Variants in IFT88 observed in about 807,000 individuals in gnomAD.
IFT88 encodes intraflagellar transport 88.
Under a neutral mutation model 119.5 loss-of-function variants are expected in IFT88, and 74 were observed. The ratio of observed to expected loss-of-function variants is 0.62; its 90% confidence interval spans 0.51 to 0.75. The LOEUF is 0.75. Ranked by LOEUF, IFT88 falls within the 30% of genes least tolerant of loss-of-function variation. IFT88 has a pLI of 0.00. For synonymous variants in IFT88, 279 were observed against 316.7 expected (o/e 0.88, Z 1.26); for missense variants, 961 against 977.7 (o/e 0.98, Z 0.23).
At chr13:20,635,722 C>T (rs558766505) in intron 16 of IFT88, among the ~76,000 whole-genome samples, 5 of 152,040 alleles carry the variant, frequency 3.3e-5, no homozygotes, top group South Asian at 4.2e-4. Context: ...CGGGGCCTGT[C>T]GGGGAGTGGA....
intron 24 of IFT88, among the ~76,000 whole-genome samples, chr13:20,675,803 G>T (rs2056588612): frequency 6.6e-6 from 1 of 152,200 alleles, no homozygotes; most frequent in Admixed American, 6.5e-5. Context: ...ATTATTGTTT[G>T]CTTTTCTTCC....
chr13:20,589,064 C>G (rs1045934289), intron 3 of IFT88, among the ~76,000 whole-genome samples: 1 of 152,144 alleles, frequency 6.6e-6, no homozygotes, highest in African/African-American at 2.4e-5. Context: ...TAAATGTGGG[C>G]TCACCTCTCT....
At chr13:20,671,437 C>G (rs1261656893) in intron 24 of IFT88, among the ~76,000 whole-genome samples, 1 of 152,152 alleles carries the variant, frequency 6.6e-6, no homozygotes, top group Non-Finnish European at 1.5e-5. Flanking sequence ...AATCTTTAGT[C>G]TGACTTTTAG....
rs751716540 is a variant in IFT88, at chr13:20,631,089, C to T, written c.1373C>T (p.Ala458Val). The change falls in exon 16 of 26, where the codon GCC (alanine) becomes GTC (valine). Residue 458 changes from alanine to valine, a missense_variant. By Grantham distance (64) the Ala-to-Val change is moderately conservative. Coordinates refer to ENST00000351808, the MANE Select transcript of IFT88 (RefSeq NM_006531.5). ...VKSAAATNLS[A>V]LYYMGKDFAQ... ...AGTGCAGCTGCAACCAATCTCTCAG[C>T]CCTGTATTATATGGTAAGTTTTTTT... 1.3e-6 allele frequency: 2 copies of T among 1,598,090 alleles called. No homozygotes were observed. Among genetic ancestry groups the T allele is most frequent in the African/African-American group, 2.7e-5 (2 of 74,702 alleles).
chr13:20,688,623 C>A (rs2058189416), intron 24 of IFT88, among the ~76,000 whole-genome samples: 1 of 152,100 alleles, frequency 6.6e-6, no homozygotes, highest in Admixed American at 6.5e-5. Flanking sequence ...AGAATAAGAA[C>A]CTACAGTTAA....
At chr13:20,664,250 G>T (rs2054287283) in intron 23 of IFT88, among the ~76,000 whole-genome samples, 1 of 152,152 alleles carries the variant, frequency 6.6e-6, no homozygotes, top group Admixed American at 6.5e-5. Context: ...CCTAACTCCT[G>T]TTTTAAAATG....
chr13:20,648,382 C>T lies in IFT88; in HGVS notation c.1949+3424C>T, dbSNP rs145068918. The stretch of plus-strand genomic sequence containing the variant: ...CTGCACTCCAGCCTGGGTGACAGAG[C>T]GAGACTCCATCTCAATAAGTAAATA... On this transcript the variant is annotated intron_variant, in intron 20 of 25. Coordinates refer to ENST00000351808, the MANE Select transcript of IFT88 (RefSeq NM_006531.5). 2.0e-3 allele frequency among the ~76,000 whole-genome samples: 310 copies of T among 152,074 alleles called. 2 individuals carry two copies. The highest frequency in any genetic ancestry group is 6.8e-3 in the African/African-American group (282 of 41,490).
intron 3 of IFT88, among the ~76,000 whole-genome samples, chr13:20,583,967 A>G (rs970288542): frequency 1.3e-5 from 2 of 152,152 alleles, no homozygotes; most frequent in African/African-American, 2.4e-5. Flanking sequence ...TGGGCTTTCT[A>G]TGCTGTTCTA....
chr13:20,597,606 T>C (rs1399044739), intron 9 of IFT88, among the ~76,000 whole-genome samples: 1 of 151,616 alleles, frequency 6.6e-6, no homozygotes, highest in Non-Finnish European at 1.5e-5. Context: ...TAGCCGGGTG[T>C]GGTGGCGGGC....
At position 20,644,879 on chromosome 13, in the gene IFT88, G is replaced by T. The variant is rs748976581; in HGVS notation, c.1870G>T (p.Glu624Ter). 6.3e-7 allele frequency: 1 copy of T among 1,595,358 alleles called. No individual in the cohort carries two copies. The highest frequency in any genetic ancestry group is 1.7e-5 in the Admixed American group (1 of 58,940). The change falls in exon 20 of 26, where the codon GAG (glutamate) becomes TAG (stop). Residue 624 changes from glutamate to a stop codon, truncating the protein, a stop_gained. Coordinates refer to ENST00000351808, the MANE Select transcript of IFT88 (RefSeq NM_006531.5). LOFTEE classifies it high-confidence loss of function. ...TTTTCCTTGTAATATTGAAGTCATT[G>T]AGTGGCTTGGAGCCTATTACATTGA... Reference protein sequence around the residue: ...RYFPCNIEVIEWLGAYYIDTQ... With the variant: ...RYFPCNIEVI
chr13:20,650,286 T>C (rs189394268), intron 20 of IFT88, among the ~76,000 whole-genome samples: 7 of 152,120 alleles, frequency 4.6e-5, no homozygotes, highest in Admixed American at 3.3e-4. Flanking sequence ...TCGCAAGTGG[T>C]ATTTACTCCT....
chr13:20,596,323 A>G (rs2041635434), intron 8 of IFT88, 83 bp downstream of exon 8: 1 of 496,002 alleles, frequency 2.0e-6, no homozygotes, highest in Non-Finnish European at 3.5e-6. Flanking sequence ...TGTATAGACA[A>G]ATATTTTTGT....
At chr13:20,649,517 T>A (rs1172257387) in intron 20 of IFT88, among the ~76,000 whole-genome samples, 1 of 152,054 alleles carries the variant, frequency 6.6e-6, no homozygotes, top group Non-Finnish European at 1.5e-5. Flanking sequence ...AGAGGGAAAT[T>A]TATATCTGTA....
intron 14 of IFT88, among the ~76,000 whole-genome samples, chr13:20,624,936 TATATA>T (rs766194928): frequency 2.0e-5 from 3 of 152,238 alleles, no homozygotes; most frequent in Non-Finnish European, 4.4e-5. Flanking sequence ...AAATTTTAAG[TATATA>T]ATATATTATT....
rs1251408503 is a variant in IFT88 at position 20,663,626 on chromosome 13, C to CT, written c.2175+23dup. On this transcript the variant is annotated intron_variant, in intron 23 of 25. Transcript: ENST00000351808. ...ACAGGTATCTCATATGGGCCCCAAA[C>CT]TGCAGTCTGTTAATTTTTAGAATGT... 8 of 1,503,766 alleles carry CT rather than the reference C, an allele frequency of 5.3e-6. No homozygotes were observed. In the South Asian group the frequency reaches 9.2e-5, roughly 17 times the overall value. 93.2% of individuals were successfully genotyped at this position (1,503,766 alleles called of 1,614,324 possible).
chr13:20,595,945 G>A (rs1167781756), intron 7 of IFT88, among the ~76,000 whole-genome samples: 1 of 152,050 alleles, frequency 6.6e-6, no homozygotes, highest in Non-Finnish European at 1.5e-5. Flanking sequence ...TACTTGAGAG[G>A]CTGAGGTGGG....
intron 13 of IFT88, chr13:20,607,280 T>C: frequency 2.3e-6 from 1 of 432,112 alleles, no homozygotes; most frequent in South Asian, 1.8e-5. Flanking sequence ...CTACCCGTAC[T>C]GCGTGCTGCC....
At chr13:20,568,114 T>A in intron 1 of IFT88, 6 of 659,370 alleles carry the variant, frequency 9.1e-6, no homozygotes, top group Admixed American at 4.3e-5. Context: ...CGGGCCGGGG[T>A]TGGAAAAGCT....
At chr13:20,602,106 C>T (rs2042682774) in intron 12 of IFT88, among the ~76,000 whole-genome samples, 173 bp downstream of exon 12, 2 of 151,004 alleles carry the variant, frequency 1.3e-5, no homozygotes, top group Non-Finnish European at 2.9e-5. Context: ...GAATGAGACT[C>T]TATTGAAATG....
Sources: gnomAD v4.1 joint callset for allele counts (sites outside exome capture counted in the v4.1 genomes callset) on GRCh38, gnomAD v4.1.1 for gene constraint, MANE v1.5 for transcripts, NCBI Gene and HGNC (gene_info 2026-07-23, HGNC 2026-07-21) for gene names.